GSTO2: variants seen among roughly 807,000 people sequenced by gnomAD.
GSTO2 encodes the protein glutathione S-transferase omega-2.
Under a neutral mutation model 28.4 loss-of-function variants are expected in GSTO2, and 23 were observed. The ratio of observed to expected loss-of-function variants is 0.81; its 90% CI spans 0.58 to 1.15. GSTO2 has a LOEUF of 1.15. Ranked by LOEUF, GSTO2 falls within the 50% of genes most tolerant of loss-of-function variation. The pLI, the probability that GSTO2 is intolerant of heterozygous loss-of-function variation, is 0.00. For missense variants in GSTO2, 298 were observed against 297.8 expected (o/e 1.00, Z 0.00); for synonymous variants, 109 against 111.0 (o/e 0.98, Z 0.11).
chr10:104,279,501 C>T (rs1424620545), intron 5 of GSTO2, 30 bp downstream of exon 5: 1 of 1,507,908 alleles, frequency 6.6e-7, no homozygotes, highest in Admixed American at 1.7e-5. Context: ...TCCTGGTCAG[C>T]TACAGTGGAG....
rs1235099183 is a variant in GSTO2, at chr10:104,299,704, C to T, written c.*420C>T. 5.4e-6 allele frequency: 1 copy of T among 184,054 alleles called. No individual in the cohort carries two copies. Among genetic ancestry groups the T allele is most frequent in the Non-Finnish European group, 1.1e-5 (1 of 88,878 alleles). The allele number at this position is 184,054 out of a possible 1,614,324, so 11.4% of individuals were successfully genotyped here. A position where few individuals can be genotyped will look rare whatever the true frequency, so the allele number is the denominator to read the frequency against. ...TGTTGCTCAGGCTGGTCTCCATCTC[C>T]TGGCCGCAAGCCATCCACCCAACTT... On this transcript the variant is annotated 3_prime_UTR_variant, in exon 7 of 7. Coordinates refer to ENST00000338595, the MANE Select transcript of GSTO2 (RefSeq NM_183239.2).
intron 5 of GSTO2, 181 bp from the exon 6 acceptor site, chr10:104,297,397 A>G: frequency 4.2e-6 from 2 of 479,154 alleles, no homozygotes; most frequent in Non-Finnish European, 7.7e-6. Flanking sequence ...CAGGAGTGTG[A>G]CCCTAAAAGA....
chr10:104,281,275 TA>T (rs533630642), intron 5 of GSTO2, among the ~76,000 whole-genome samples: 24 of 151,772 alleles, frequency 1.6e-4, no homozygotes, highest in Middle Eastern at 3.4e-3. Context: ...GCTGCTGCTT[TA>T]AAAAAGAAGT....
intron 3 of GSTO2, among the ~76,000 whole-genome samples, chr10:104,276,301 C>T (rs2011630603): frequency 6.6e-6 from 1 of 152,188 alleles, no homozygotes; most frequent in Non-Finnish European, 1.5e-5. Flanking sequence ...TTAAGGTTAC[C>T]TGTTTTTTGA....
chr10:104,275,765 C>G (rs1000148362), intron 3 of GSTO2, among the ~76,000 whole-genome samples: 3 of 152,156 alleles, frequency 2.0e-5, no homozygotes, highest in Non-Finnish European at 4.4e-5. Context: ...TCTCCCCTCC[C>G]CAGTCCCCTT....
chr10:104,274,746 C>A lies in GSTO2; in HGVS notation c.-170C>A. 1.3e-6 allele frequency: 1 copy of A among 768,844 alleles called. No individual in the cohort carries two copies. The highest frequency in any genetic ancestry group is 1.6e-5 in the South Asian group (1 of 61,562). 47.6% of individuals were successfully genotyped at this position (768,844 alleles called of 1,614,324 possible). On this transcript the variant is annotated 5_prime_UTR_variant, in exon 2 of 7. The change creates a new upstream start codon in the 5' untranslated region. Coordinates refer to ENST00000338595, the MANE Select transcript of GSTO2 (RefSeq NM_183239.2). ...TCCCCAGGTTAAATTACCCTAGCTC[C>A]TGCTCCAGATCGCTTCCCCGTGCCC...
chr10:104,279,419 A>G lies in GSTO2; in HGVS notation c.416A>G (p.Glu139Gly). ...CTGGTAGCGTTGAGATGTGGGAGAGAATGCACTAATCTGAAGGCAGCCCTG... is the reference window on the plus strand; with the variant it reads ...CTGGTAGCGTTGAGATGTGGGAGAGGATGCACTAATCTGAAGGCAGCCCTG... ...ECLVALRCGRECTNLKAALRQ... is the reference protein window; with the variant it reads ...ECLVALRCGRGCTNLKAALRQ... The change falls in exon 5 of 7, where the codon GAA becomes GGA. Residue 139 changes from glutamate to glycine, a missense_variant. Coordinates refer to ENST00000338595, the MANE Select transcript of GSTO2 (RefSeq NM_183239.2). The G allele has an allele frequency of 6.2e-7, 1 of 1,614,076 alleles. No homozygotes were observed. Among genetic ancestry groups the G allele is most frequent in the Non-Finnish European group, 8.5e-7 (1 of 1,179,972 alleles).
At chr10:104,293,845 A>G (rs145129341) in intron 5 of GSTO2, among the ~76,000 whole-genome samples, 1 of 152,116 alleles carries the variant, frequency 6.6e-6, no homozygotes, top group East Asian at 1.9e-4. Flanking sequence ...GTCTAAAAAT[A>G]CATATTTGAA....
chr10:104,285,611 AACTGTTTTGTTTTTG>A (rs931255630), intron 5 of GSTO2, among the ~76,000 whole-genome samples: 3 of 151,952 alleles, frequency 2.0e-5, no homozygotes, highest in Non-Finnish European at 2.9e-5. Flanking sequence ...CACCATGCCC[AACTGTTTTGTTTTTG>A]TTTTTATTTG....
At chr10:104,295,429 G>C (rs1347047668) in intron 5 of GSTO2, 1 of 152,284 alleles carries the variant, frequency 6.6e-6, no homozygotes, top group African/African-American at 2.4e-5. Context: ...GGGGTGGCAG[G>C]TGGAGGAGCC....
At chr10:104,282,151 A>G (rs1017399733) in intron 5 of GSTO2, among the ~76,000 whole-genome samples, 4 of 149,524 alleles carry the variant, frequency 2.7e-5, no homozygotes, top group African/African-American at 9.9e-5. Context: ...ACTTGAACCC[A>G]GGAGGGGGAG....
chr10:104,275,661 G>A (rs2011597960), intron 3 of GSTO2, among the ~76,000 whole-genome samples: 1 of 152,068 alleles, frequency 6.6e-6, no homozygotes, highest in South Asian at 2.1e-4. Flanking sequence ...GCTCCACAGA[G>A]GTAGTTCCCC....
intron 1 of GSTO2, 130 bp downstream of exon 1, chr10:104,269,399 C>A (rs919197377): frequency 1.3e-5 from 2 of 152,262 alleles, no homozygotes; most frequent in African/African-American, 4.8e-5. Context: ...TAACACTTTA[C>A]GAGAAATCCT....
chr10:104,274,049 C>T (rs761552374), intron 1 of GSTO2, among the ~76,000 whole-genome samples: 3 of 152,188 alleles, frequency 2.0e-5, no homozygotes, highest in Non-Finnish European at 2.9e-5. Flanking sequence ...AGAGCCAAAG[C>T]CACGTCTATT....
intron 3 of GSTO2, among the ~76,000 whole-genome samples, chr10:104,277,428 C>T (rs534699769): frequency 8.1e-4 from 124 of 152,164 alleles, no homozygotes; most frequent in Non-Finnish European, 1.4e-3. Context: ...GGGTTACAGG[C>T]GCCCGCCACC....
At chr10:104,280,659 T>C (rs276201) in intron 5 of GSTO2, among the ~76,000 whole-genome samples, 151,272 of 152,358 alleles carry the variant, frequency 0.99, 75,099 homozygotes, top group East Asian at 1. Flanking sequence ...CTACTTATCC[T>C]GTACTTCTAG....
intron 5 of GSTO2, among the ~76,000 whole-genome samples, chr10:104,283,080 A>T (rs899044707): frequency 3.2e-4 from 48 of 152,232 alleles, no homozygotes; most frequent in African/African-American, 1.2e-3. Flanking sequence ...TGAGCTACCA[A>T]TGTGCTATTT....
At position 104,275,275 on chromosome 10, in the gene GSTO2, C is replaced by A. The variant is rs748129163; in HGVS notation, c.84C>A (p.Ser28Arg). 3 of 1,614,108 alleles carry A rather than the reference C, an allele frequency of 1.9e-6. No homozygotes were observed. The highest frequency in any genetic ancestry group is 2.7e-5 in the African/African-American group (2 of 75,038). The change falls in exon 3 of 7, where the codon AGC becomes AGA. Residue 28 changes from serine (S) to arginine (R), a missense_variant. By Grantham distance (110) the Ser-to-Arg change is moderately radical. Transcript: ENST00000338595. Reference protein sequence around the residue: ...PVPEGLIRIYSMRFCPYSHRT... With the variant: ...PVPEGLIRIYRMRFCPYSHRT... ...CGGAGGGGCTGATCCGCATCTACAG[C>A]ATGAGGTTCTGCCCCTATTCTCACA...
chr10:104,279,456 C>T lies in GSTO2; in HGVS notation c.453C>T (p.Phe151=), dbSNP rs759488875. The change falls in exon 5 of 7, where the codon TTC becomes TTT. Residue 151 remains phenylalanine, a synonymous_variant. Coordinates refer to ENST00000338595, the MANE Select transcript of GSTO2 (RefSeq NM_183239.2). ...TNLKAALRQE[F]SNLEEILEYQ... ...TGAAGGCAGCCCTGCGTCAGGAATT[C>T]AGCAACCTGGAAGAGGTACAAAAAG... is the stretch of plus-strand genomic sequence containing the variant. 1 of 1,613,672 alleles carries T rather than the reference C, an allele frequency of 6.2e-7. No homozygotes were observed. The highest frequency in any genetic ancestry group is 8.5e-7 in the Non-Finnish European group (1 of 1,179,590).
Sources: gnomAD v4.1 joint callset for allele counts (sites outside exome capture counted in the v4.1 genomes callset) on GRCh38, gnomAD v4.1.1 for gene constraint, MANE v1.5 for transcripts, NCBI Gene and HGNC (gene_info 2026-07-23, HGNC 2026-07-21) for gene names.